FKRP: variants seen among roughly 807,000 people sequenced by gnomAD.
FKRP encodes ribitol 5-phosphate transferase FKRP.
In FKRP, 25 loss-of-function variants were observed where a neutral mutation model predicts 30.6. The ratio of observed to expected loss-of-function variants is 0.82; its 90% CI spans 0.60 to 1.14. FKRP has a LOEUF of 1.14. FKRP is among the 50% of genes most tolerant of loss of function. The pLI is 0.00. For missense variants in FKRP, 771 were observed against 727.8 expected (o/e 1.06, Z -0.68); for synonymous variants, 358 against 342.5 (o/e 1.05, Z -0.50).
At position 46,757,089 on chromosome 19, in the gene FKRP, G is replaced by GCAT; in HGVS notation, c.*152_*154dup. 1 of 1,063,928 alleles carries GCAT rather than the reference G, an allele frequency of 9.4e-7. No individual in the cohort carries two copies. The highest frequency in any genetic ancestry group is 1.4e-6 in the Non-Finnish European group (1 of 714,220). 65.9% of individuals were successfully genotyped at this position (1,063,928 alleles called of 1,614,324 possible). On this transcript the variant is annotated 3_prime_UTR_variant, in exon 4 of 4. Coordinates refer to ENST00000318584, the MANE Select transcript of FKRP (RefSeq NM_024301.5). ...CTAAGGAGAGCATGAGAGAAGGCTGGCATTGGCAGGAGGAGAGCACCAGGA... is the reference window on the plus strand; with the variant it reads ...CTAAGGAGAGCATGAGAGAAGGCTGGCATCATTGGCAGGAGGAGAGCACCAGGA...
chr19:46,745,883 C>T (rs901429193), upstream of FKRP: 12 of 355,152 alleles, frequency 3.4e-5, no homozygotes, highest in Non-Finnish European at 2.5e-5. Flanking sequence ...CCGCCCCTTT[C>T]TCTCGGCCGG....
Position 46,756,470 on chromosome 19 carries a change from C to T in FKRP, c.1020C>T (p.Tyr340=), listed in dbSNP as rs77351928. The T allele has an allele frequency of 5.9e-4, 910 of 1,542,120 alleles. 8 individuals are homozygous for T. In the African/African-American group the frequency reaches 0.011, roughly 18 times the overall value. ...VGVLEAAGVR[Y]WLEGGSLLGA... ...TGCTGGAGGCTGCGGGCGTGCGCTA[C>T]TGGCTCGAGGGCGGCTCACTGCTGG... Residue 340 remains tyrosine, a synonymous_variant, in exon 4 of 4, where the codon TAC becomes TAT. Coordinates refer to ENST00000318584, the MANE Select transcript of FKRP (RefSeq NM_024301.5). The surrounding 1 kb of genome is among the most constrained non-coding windows in gnomAD (Gnocchi z 6.6).
rs757201268 is a variant in FKRP at position 46,756,488 on chromosome 19, A to G, written c.1038A>G (p.Ser346=). The G allele has an allele frequency of 2.6e-6, 4 of 1,547,322 alleles. No homozygotes were observed. The African/African-American group carries it at 5.5e-5, about 21-fold the overall frequency. ...AGVRYWLEGG[S]LLGAARHGDI... ...TGCGCTACTGGCTCGAGGGCGGCTC[A>G]CTGCTGGGGGCCGCCCGCCACGGGG... is the stretch of plus-strand genomic sequence containing the variant. Residue 346 remains serine (S), a synonymous_variant, in exon 4 of 4, where the codon TCA becomes TCG. Coordinates refer to ENST00000318584, the MANE Select transcript of FKRP (RefSeq NM_024301.5). The surrounding 1 kb of genome is among the most constrained non-coding windows in gnomAD (Gnocchi z 6.6).
chr19:46,756,801 C>CCCA lies in FKRP; in HGVS notation c.1353_1354insACC (p.Pro451_Leu452insThr). The CCCA allele has an allele frequency of 6.2e-7, 1 of 1,600,812 alleles. No individual in the cohort carries two copies. Among genetic ancestry groups the CCCA allele is most frequent in the Non-Finnish European group, 8.5e-7 (1 of 1,174,256 alleles). On this transcript the variant is annotated inframe_insertion, in exon 4 of 4. Transcript: ENST00000318584. This position sits in a 1 kb window ranked among gnomAD's most constrained non-coding sequence, Gnocchi z 6.6. ...CGAGCACTTCCTGCAGCCGCTGGTG[C>CCCA]CCCTGCCCTTTGCCGGCTTCGTGGC... is the stretch of plus-strand genomic sequence containing the variant.
Position 46,755,400 on chromosome 19 carries a change from C to G in FKRP, c.-39-12C>G. 1 of 1,531,300 alleles carries G rather than the reference C, an allele frequency of 6.5e-7. No homozygotes were observed. Among genetic ancestry groups the G allele is most frequent in the Non-Finnish European group, 8.8e-7 (1 of 1,138,932 alleles). The allele number at this position is 1,531,300 out of a possible 1,614,324, so 94.9% of individuals were successfully genotyped here. ...ATCAGCTGCTGCCTTCCCTTTCGTCCCCCTCCCCCAGGATGCCCCGGAGGC... is the reference window on the plus strand; with the variant it reads ...ATCAGCTGCTGCCTTCCCTTTCGTCGCCCTCCCCCAGGATGCCCCGGAGGC... On this transcript the variant is annotated splice_polypyrimidine_tract_variant and intron_variant, in intron 3 of 3. Coordinates refer to ENST00000318584, the MANE Select transcript of FKRP (RefSeq NM_024301.5).
Position 46,754,373 on chromosome 19 carries a change from T to TTTA in FKRP, c.-39-1037_-39-1036insATT, listed in dbSNP as rs1568416140. Reference sequence around the variant, plus strand: ...TTGTTTTTTCTTTTTTTTTTTTAATTTTTATTTATTTATTTATTTATTTAT... The same window carrying TTTA: ...TTGTTTTTTCTTTTTTTTTTTTAATTTTATTTATTTATTTATTTATTTATTTAT... On this transcript the variant is annotated intron_variant, in intron 3 of 3. Coordinates refer to ENST00000318584, the MANE Select transcript of FKRP (RefSeq NM_024301.5). 2.5e-4 allele frequency: 33 copies of TTTA among 130,754 alleles called. 1 individual carries two copies. Among genetic ancestry groups the TTTA allele is most frequent in the African/African-American group, 9.9e-4 (33 of 33,392 alleles). 8.1% of individuals were successfully genotyped at this position (130,754 alleles called of 1,614,324 possible). A position where few individuals can be genotyped will look rare whatever the true frequency, so the allele number is the denominator to read the frequency against.
chr19:46,751,940 GGGGGCCGGCGCAGT>G (rs2054802669), intron 3 of FKRP, among the ~76,000 whole-genome samples: 1 of 152,122 alleles, frequency 6.6e-6, no homozygotes, highest in African/African-American at 2.4e-5. Flanking sequence ...TGATGGGGGT[GGGGGCCGGCGCAGT>G]GGGGTGGATC....
intron 3 of FKRP, among the ~76,000 whole-genome samples, chr19:46,752,318 G>C (rs995808280): frequency 8.5e-5 from 13 of 152,170 alleles, no homozygotes; most frequent in African/African-American, 2.9e-4. Flanking sequence ...CATCTCATGT[G>C]TGTTCGGAGC....
In FKRP at chr19:46,756,334, G is replaced by A. The variant is rs1451548151; in HGVS notation, c.884G>A (p.Arg295His). 2 of 1,557,792 alleles carry A rather than the reference G, an allele frequency of 1.3e-6. No individual in the cohort carries two copies. The highest frequency in any genetic ancestry group is 1.2e-5 in the South Asian group (1 of 85,198). The stretch of plus-strand genomic sequence containing the variant: ...TTCGGCTGCAACAAGGAGACCACGC[G>A]CTGCTTCGGAACCGTGGTGGGCGAC... ...EWFGCNKETT[R>H]CFGTVVGDTP... The change falls in exon 4 of 4, where the codon CGC becomes CAC. Residue 295 changes from arginine to histidine, a missense_variant. Transcript: ENST00000318584. The surrounding 1 kb of genome is among the most constrained non-coding windows in gnomAD (Gnocchi z 6.6).
Position 46,756,896 on chromosome 19 carries a change from G to C in FKRP, c.1446G>C (p.Gln482His). The C allele has an allele frequency of 6.2e-7, 1 of 1,613,000 alleles. No homozygotes were observed. Among genetic ancestry groups the C allele is most frequent in the Non-Finnish European group, 8.5e-7 (1 of 1,179,930 alleles). ...GGCCCGGGGTCATCGAGAACCCCCA[G>C]TACCCCAACCCGGCACTGCTGAGTC... is the stretch of plus-strand genomic sequence containing the variant. ...KFGPGVIENP[Q>H]YPNPALLSLT... The change falls in exon 4 of 4, where the codon CAG (glutamine) becomes CAC (histidine). Residue 482 changes from glutamine (Q) to histidine (H), a missense_variant. By Grantham distance (24) the Gln-to-His change is conservative. Transcript: ENST00000318584. This position sits in a 1 kb window ranked among gnomAD's most constrained non-coding sequence, Gnocchi z 6.6.
At chr19:46,751,727 G>A (rs1599925870) in intron 3 of FKRP, among the ~76,000 whole-genome samples, 1 of 151,946 alleles carries the variant, frequency 6.6e-6, no homozygotes, top group Admixed American at 6.6e-5. Flanking sequence ...CACCGCGCCT[G>A]GCTAATTTTT....
chr19:46,745,156 G>A (rs1445654590), upstream of FKRP, among the ~76,000 whole-genome samples: 1 of 151,574 alleles, frequency 6.6e-6, no homozygotes, highest in African/African-American at 2.4e-5. Context: ...ACCATCCCAG[G>A]ACCCTCACCT....
At position 46,746,088 on chromosome 19, in the gene FKRP, C is replaced by T. The variant is rs1470557425; in HGVS notation, c.-255C>T. On this transcript the variant is annotated splice_region_variant and 5_prime_UTR_variant, in exon 1 of 4. Coordinates refer to ENST00000318584, the MANE Select transcript of FKRP (RefSeq NM_024301.5). ...TCCAAGATGGCGGCGGCGGCGGCAG[C>T]GGGTGAGGCCGGGCCGGGCCGGGCC... is the stretch of plus-strand genomic sequence containing the variant. The T allele has an allele frequency of 5.4e-6, 7 of 1,301,784 alleles. No individual in the cohort carries two copies. The highest frequency in any genetic ancestry group is 6.9e-6 in the Non-Finnish European group (7 of 1,016,322). The allele number at this position is 1,301,784 out of a possible 1,614,324, so 80.6% of individuals were successfully genotyped here.
intron 3 of FKRP, among the ~76,000 whole-genome samples, chr19:46,750,364 G>A (rs2054768320): frequency 1.3e-5 from 2 of 152,186 alleles, no homozygotes; most frequent in Non-Finnish European, 2.9e-5. Flanking sequence ...CAAGAGTTGT[G>A]CTGGGCCTGA....
chr19:46,755,685 G>T lies in FKRP; in HGVS notation c.235G>T (p.Val79Leu). The T allele has an allele frequency of 6.3e-7, 1 of 1,590,552 alleles. No individual in the cohort carries two copies. Among genetic ancestry groups the T allele is most frequent in the Non-Finnish European group, 8.5e-7 (1 of 1,175,106 alleles). The change falls in exon 4 of 4, where the codon GTG (valine) becomes TTG (leucine). Residue 79 changes from valine (V) to leucine (L), a missense_variant. Val to Leu is a conservative substitution (Grantham distance 32, BLOSUM62 1). Coordinates refer to ENST00000318584, the MANE Select transcript of FKRP (RefSeq NM_024301.5). ...SFLQQDPAQP[V>L]VVAADTLPYP... ...CCTGCAGCAAGACCCAGCCCAGCCC[G>T]TGGTGGTGGCAGCCGACACGCTCCC...
rs2122606067 is a variant in FKRP at position 46,755,419 on chromosome 19, C to T, written c.-32C>T. ...TTCGTCCCCCTCCCCCAGGATGCCC[C>T]GGAGGCCCAGCTAGCCCCAGACTTC... On this transcript the variant is annotated 5_prime_UTR_variant, in exon 4 of 4. Coordinates refer to ENST00000318584, the MANE Select transcript of FKRP (RefSeq NM_024301.5). 2.5e-6 allele frequency: 4 copies of T among 1,587,230 alleles called. No individual in the cohort carries two copies. The highest frequency in any genetic ancestry group is 2.6e-6 in the Non-Finnish European group (3 of 1,172,770).
chr19:46,747,992 G>A (rs1296158946), intron 1 of FKRP, 35 bp from the exon 2 acceptor site: 4 of 152,158 alleles, frequency 2.6e-5, no homozygotes, highest in African/African-American at 9.7e-5. Context: ...TACGGAAATG[G>A]CTGATTTGGG....
chr19:46,748,343 A>G (rs1180310508), intron 2 of FKRP, among the ~76,000 whole-genome samples, 172 bp from the exon 3 acceptor site: 4 of 151,806 alleles, frequency 2.6e-5, no homozygotes, highest in Admixed American at 2.0e-4. Flanking sequence ...ACGCCCGGCT[A>G]ATTTTTTGTA....
chr19:46,755,449 C>T lies in FKRP; in HGVS notation c.-2C>T. The T allele has an allele frequency of 6.2e-7, 1 of 1,604,274 alleles. No individual in the cohort carries two copies. Among genetic ancestry groups the T allele is most frequent in the Non-Finnish European group, 8.5e-7 (1 of 1,178,928 alleles). On this transcript the variant is annotated 5_prime_UTR_variant, in exon 4 of 4. Transcript: ENST00000318584. ...GCCCAGCTAGCCCCAGACTTCGGCCCCATGCGGCTCACCCGCTGCCAGGCT... is the reference window on the plus strand; with the variant it reads ...GCCCAGCTAGCCCCAGACTTCGGCCTCATGCGGCTCACCCGCTGCCAGGCT...
Sources: allele counts gnomAD v4.1 joint callset (sites outside exome capture counted in the v4.1 genomes callset), GRCh38; gene constraint gnomAD v4.1.1; non-coding constraint Gnocchi (gnomAD v3.1); transcripts MANE v1.5; gene names NCBI Gene and HGNC (gene_info 2026-07-23, HGNC 2026-07-21).